SYNE1: variants seen among roughly 807,000 people sequenced by gnomAD.
The protein encoded by SYNE1 is nesprin-1.
Under a neutral mutation model 1,111.0 loss-of-function variants are expected in SYNE1, and 616 were observed. The observed-to-expected ratio is 0.55, with a 90% CI of 0.52 to 0.59. SYNE1 has a LOEUF of 0.59. Among genes scored for constraint, SYNE1 ranks in the 20% least tolerant of loss-of-function variants. The pLI, the probability that SYNE1 is intolerant of heterozygous loss-of-function variation, is 0.00. For missense variants in SYNE1, 10,006 were observed against 10,417.0 expected (o/e 0.96, Z 1.72); for synonymous variants, 3,855 against 3,825.8 (o/e 1.01, Z -0.28).
intron 56 of SYNE1, among the ~76,000 whole-genome samples, chr6:152,377,640 AATATATATATATAT>A (rs1369932106): frequency 3.2e-4 from 11 of 33,874 alleles, no homozygotes; most frequent in African/African-American, 1.4e-3. Flanking sequence ...AAAAAAAAAA[AATATATATATATAT>A]ATATATATAT....
At chr6:152,545,024 A>G (rs1051024561) in intron 3 of SYNE1, among the ~76,000 whole-genome samples, 2 of 152,220 alleles carry the variant, frequency 1.3e-5, no homozygotes, top group Middle Eastern at 3.2e-3. Flanking sequence ...ACTAAATTAC[A>G]AAAATGTTAA....
intron 34 of SYNE1, among the ~76,000 whole-genome samples, chr6:152,431,794 C>T (rs1186909230): frequency 6.6e-6 from 1 of 152,082 alleles, no homozygotes; most frequent in East Asian, 1.9e-4. Flanking sequence ...GGATATGCAT[C>T]ATTTTTATTT....
rs745522850 is a variant in SYNE1 at position 152,463,488 on chromosome 6, A to C, written c.1962T>G (p.Ile654Met). 3 of 1,613,588 alleles carry C rather than the reference A, an allele frequency of 1.9e-6. No homozygotes were observed. In the South Asian group the frequency reaches 3.3e-5, roughly 18 times the overall value. Residue 654 changes from isoleucine to methionine, a missense_variant, in exon 19 of 146, where the codon ATT (isoleucine) becomes ATG (methionine). Around this residue, in one of 7 missense-constraint regions of SYNE1, gnomAD observed 1,971 missense variants for 2,084.1 expected, o/e 0.95. Transcript: ENST00000367255. ...KDFFRNLPHW[I>M]QQHTAMNDAG... ...CATCGTTCATGGCAGTATGCTGCTG[A>C]ATCCAATGAGGTAAATTTCGAAAAA... is the stretch of plus-strand genomic sequence containing the variant.
chr6:152,593,991 T>C (rs369973449), intron 3 of SYNE1, among the ~76,000 whole-genome samples: 34 of 152,156 alleles, frequency 2.2e-4, no homozygotes, highest in African/African-American at 8.0e-4. Context: ...TTTTTACCAA[T>C]GTTTTAGATG....
At chr6:152,225,689 T>C (rs903825339) in intron 116 of SYNE1, 32 bp downstream of exon 116, 8 of 1,613,856 alleles carry the variant, frequency 5.0e-6, no homozygotes, top group Non-Finnish European at 6.8e-6. Flanking sequence ...GCAAACACGG[T>C]CCTGGAGCTG....
At chr6:152,178,855 T>C (rs1482051073) in intron 129 of SYNE1, among the ~76,000 whole-genome samples, 3 of 151,556 alleles carry the variant, frequency 2.0e-5, no homozygotes, top group African/African-American at 7.3e-5. Flanking sequence ...AAAATAACAT[T>C]AAAATCACTG....
At chr6:152,359,907 G>A (rs1229459741) in intron 64 of SYNE1, among the ~76,000 whole-genome samples, 5 of 150,918 alleles carry the variant, frequency 3.3e-5, no homozygotes, top group East Asian at 2.0e-4. Flanking sequence ...CTAGCTCTCC[G>A]TCCTCTAAAC....
At chr6:152,290,011 T>C (rs1381676453) in intron 95 of SYNE1, among the ~76,000 whole-genome samples, 1 of 151,640 alleles carries the variant, frequency 6.6e-6, no homozygotes, top group Non-Finnish European at 1.5e-5. Context: ...CCAACCCTGC[T>C]TAACTTCCAA....
chr6:152,124,728 A>C (rs1237014869), intron 145 of SYNE1, among the ~76,000 whole-genome samples: 1 of 152,234 alleles, frequency 6.6e-6, no homozygotes, highest in Non-Finnish European at 1.5e-5. Context: ...AATATAGTAG[A>C]ACATAAAAGA....
rs1159077264 is a variant in SYNE1, at chr6:152,300,781, T to A, written c.17542A>T (p.Met5848Leu). 1.2e-6 allele frequency: 2 copies of A among 1,614,110 alleles called. No homozygotes were observed. The highest frequency in any genetic ancestry group is 2.2e-5 in the East Asian group (1 of 44,892). Residue 5848 changes from methionine to leucine, a missense_variant and splice_region_variant, in exon 93 of 146, where the codon ATG becomes TTG. By Grantham distance (15) the Met-to-Leu change is conservative (BLOSUM62 2). This residue lies in a region of SYNE1 where 4,955 missense variants were observed against 5,017.2 expected (regional missense o/e 0.99). Transcript: ENST00000367255. ...TPSAHPSVVM[M>L]TAGRCHTLLS... ...AAAGTGTGACAGCGACCTGCAGTCATCTGCCACGTAAAATGTAGCCCAAAG... is the reference window on the plus strand; with the variant it reads ...AAAGTGTGACAGCGACCTGCAGTCAACTGCCACGTAAAATGTAGCCCAAAG...
intron 5 of SYNE1, among the ~76,000 whole-genome samples, chr6:152,521,325 C>T (rs1211908454): frequency 2.0e-5 from 3 of 152,098 alleles, no homozygotes; most frequent in Non-Finnish European, 4.4e-5. Context: ...TATTCTTGTA[C>T]TTCTCACCTT....
Position 152,462,779 on chromosome 6 carries a change from C to A in SYNE1, c.2209G>T (p.Val737Phe). The change falls in exon 20 of 146, where the codon GTC (valine) becomes TTC (phenylalanine). Residue 737 changes from valine (V) to phenylalanine (F), a missense_variant. Around this residue, in one of 7 missense-constraint regions of SYNE1, gnomAD observed 1,971 missense variants for 2,084.1 expected, o/e 0.95. Transcript: ENST00000367255. ...AATAGCTTGACATTCATAAAAGAGACTTCTAAGGGTTCAGAAAGTTTCTTA... is the reference window on the plus strand; with the variant it reads ...AATAGCTTGACATTCATAAAAGAGAATTCTAAGGGTTCAGAAAGTTTCTTA... Reference protein sequence around the residue: ...AHKKLSEPLEVSFMNVKLLIQ... With the variant: ...AHKKLSEPLEFSFMNVKLLIQ... 6.2e-7 allele frequency: 1 copy of A among 1,614,022 alleles called. No individual in the cohort carries two copies. Among genetic ancestry groups the A allele is most frequent in the Non-Finnish European group, 8.5e-7 (1 of 1,179,950 alleles).
At chr6:152,610,512 C>T (rs1565178849) in intron 3 of SYNE1, among the ~76,000 whole-genome samples, 1 of 152,090 alleles carries the variant, frequency 6.6e-6, no homozygotes, top group African/African-American at 2.4e-5. Flanking sequence ...ACCAAACCTA[C>T]GTTTGATTGG....
intron 121 of SYNE1, among the ~76,000 whole-genome samples, chr6:152,215,562 A>C (rs2078432633): frequency 6.6e-6 from 1 of 152,198 alleles, no homozygotes; most frequent in African/African-American, 2.4e-5. Flanking sequence ...GATAAGTAAA[A>C]GACCTTACTT....
intron 36 of SYNE1, 48 bp from the exon 37 acceptor site, chr6:152,428,440 G>C: frequency 8.7e-6 from 14 of 1,603,232 alleles, no homozygotes; most frequent in Non-Finnish European, 1.1e-5. Flanking sequence ...GAGCCAACGA[G>C]GCCTGCATTT....
chr6:152,463,820 A>T (rs1284539892), intron 18 of SYNE1, among the ~76,000 whole-genome samples: 1 of 152,188 alleles, frequency 6.6e-6, no homozygotes, highest in Non-Finnish European at 1.5e-5. Context: ...TAAGTGTAAG[A>T]GACCTGTGCA....
chr6:152,476,613 C>G (rs564207474), intron 14 of SYNE1, among the ~76,000 whole-genome samples: 1 of 152,090 alleles, frequency 6.6e-6, no homozygotes, highest in Non-Finnish European at 1.5e-5. Context: ...GCAGCTTATG[C>G]GTGTAATTCC....
intron 10 of SYNE1, among the ~76,000 whole-genome samples, chr6:152,500,879 A>G (rs1199527026): frequency 6.7e-6 from 1 of 148,834 alleles, no homozygotes; most frequent in Non-Finnish European, 1.5e-5. Context: ...TGAACCTGGG[A>G]GGCGGAGCTT....
At position 152,510,351 on chromosome 6, in the gene SYNE1, G is replaced by A. The variant is rs1359496620; in HGVS notation, c.423C>T (p.Asn141=). 3.7e-6 allele frequency: 6 copies of A among 1,613,740 alleles called. No homozygotes were observed. The African/African-American group carries it at 8.0e-5, about 22-fold the overall frequency. ...TGGACAAAGACTGGAGCTGGGGCAG[G>A]TTGCTGGTCAACTCTTCAATCTGTT... ...LYFQIEELTS[N]LPQLQSLSSS... is the part of the protein sequence containing the mutation. Residue 141 remains asparagine, a synonymous_variant, in exon 8 of 146, where the codon AAC becomes AAT. Coordinates refer to ENST00000367255, the MANE Select transcript of SYNE1 (RefSeq NM_182961.4).
Sources: allele counts gnomAD v4.1 joint callset (sites outside exome capture counted in the v4.1 genomes callset), GRCh38; gene constraint gnomAD v4.1.1; regional missense constraint gnomAD v4.1.1; transcripts MANE v1.5; gene names NCBI Gene and HGNC (gene_info 2026-07-23, HGNC 2026-07-21).